The following THAP8 variants were observed in gnomAD, a reference collection of about 807,000 sequenced individuals.
The protein encoded by THAP8 is THAP domain containing 8.
A neutral mutation model predicts 25.0 loss-of-function variants in THAP8; 24 were observed. The ratio of observed to expected loss-of-function variants is 0.96; its 90% CI spans 0.69 to 1.35. The LOEUF (loss-of-function observed/expected upper bound fraction) is 1.35. Among genes scored for constraint, THAP8 ranks in the 40% most tolerant of loss-of-function variants. THAP8 has a pLI of 0.00. For synonymous variants in THAP8, 169 were observed against 157.6 expected (o/e 1.07, Z -0.54); for missense variants, 399 against 368.8 (o/e 1.08, Z -0.67).
chr19:36,042,684 A>G (rs1969736401), intron 1 of THAP8, among the ~76,000 whole-genome samples: 1 of 152,246 alleles, frequency 6.6e-6, no homozygotes, highest in Non-Finnish European at 1.5e-5. Flanking sequence ...CAACAGCCAA[A>G]AGGTGGAAGT....
intron 1 of THAP8, among the ~76,000 whole-genome samples, chr19:36,048,065 G>T (rs1374167962): frequency 6.6e-6 from 1 of 152,222 alleles, no homozygotes; most frequent in East Asian, 1.9e-4. Context: ...AGTGACACAG[G>T]CCACTTCTAA....
At chr19:36,054,353 G>T (rs1240037793), upstream of THAP8, 1 of 1,037,500 alleles carries the variant, frequency 9.6e-7, no homozygotes, top group South Asian at 1.5e-5. Context: ...ACGTACCGGG[G>T]AGAGAGCTGA....
chr19:36,041,313 A>G (rs995020625), intron 1 of THAP8, among the ~76,000 whole-genome samples: 3 of 132,386 alleles, frequency 2.3e-5, no homozygotes, highest in African/African-American at 8.4e-5. Context: ...CCCTGTCTTT[A>G]AAAAAAAAAA....
At chr19:36,049,315 T>C (rs1969985817) in intron 1 of THAP8, among the ~76,000 whole-genome samples, 1 of 151,846 alleles carries the variant, frequency 6.6e-6, no homozygotes, top group Non-Finnish European at 1.5e-5. Context: ...CATTGAGCCA[T>C]GATCGCACCA....
At position 36,035,365 on chromosome 19, in the gene THAP8, G is replaced by A; in HGVS notation, c.*75C>T. The stretch of plus-strand genomic sequence containing the variant: ...CTACCCAGGCGTGGGCGGTGGGGCT[G>A]GGCCAAGCCCACGTATAATGTCTTT... On this transcript the variant is annotated 3_prime_UTR_variant, in exon 4 of 4. Transcript: ENST00000292894. 1 of 1,544,732 alleles carries A rather than the reference G, an allele frequency of 6.5e-7. No individual in the cohort carries two copies.
chr19:36,042,512 G>C (rs1348385094), intron 1 of THAP8, among the ~76,000 whole-genome samples: 2 of 152,068 alleles, frequency 1.3e-5, no homozygotes, highest in East Asian at 3.9e-4. Context: ...GTGCCTAGAG[G>C]CACAGCTACT....
chr19:36,046,091 T>C (rs893253650), intron 1 of THAP8: 2 of 360,910 alleles, frequency 5.5e-6, no homozygotes, highest in African/African-American at 4.3e-5. Context: ...GTAATCCCCA[T>C]GTGTCAAGGG....
At chr19:36,039,788 G>C (rs969872165) in intron 2 of THAP8, 70 bp from the exon 3 acceptor site, 3 of 1,494,024 alleles carry the variant, frequency 2.0e-6, no homozygotes, top group Non-Finnish European at 1.8e-6. Context: ...GGGATGGAGG[G>C]TCTGTTTCCA....
chr19:36,049,524 T>G (rs1969992250), intron 1 of THAP8, among the ~76,000 whole-genome samples: 1 of 152,174 alleles, frequency 6.6e-6, no homozygotes, highest in Admixed American at 6.5e-5. Context: ...CTGCTTCTCA[T>G]CTAACTCTTA....
intron 1 of THAP8, among the ~76,000 whole-genome samples, chr19:36,053,852 C>G (rs1460306921): frequency 1.3e-5 from 2 of 152,150 alleles, no homozygotes; most frequent in Non-Finnish European, 2.9e-5. Flanking sequence ...AAGTGGGCAT[C>G]TGCAGGCTCT....
At position 36,037,299 on chromosome 19, in the gene THAP8, TAC is replaced by T. The variant is rs376932776; in HGVS notation, c.673-1709_673-1708del. ...ACACACCTTCCTCAGCTTCCTCCCC[TAC>T]ACACACACACACACACAAACACCTT... On this transcript the variant is annotated intron_variant, in intron 3 of 3. Coordinates refer to ENST00000292894, the MANE Select transcript of THAP8 (RefSeq NM_152658.3). 3.7e-3 allele frequency among the ~76,000 whole-genome samples: 247 copies of T among 67,506 alleles called. 2 individuals are homozygous for T. Among genetic ancestry groups the T allele is most frequent in the Admixed American group, 0.012 (72 of 6,086 alleles). The allele number at this position is 67,506 out of a possible 152,430, so 44.3% of individuals were successfully genotyped here.
At chr19:36,054,056 C>A in intron 1 of THAP8, 79 bp downstream of exon 1, 4 of 1,497,776 alleles carry the variant, frequency 2.7e-6, no homozygotes, top group South Asian at 2.4e-5. Flanking sequence ...CCAGAAGCCC[C>A]GCACAGCAGC....
intron 1 of THAP8, among the ~76,000 whole-genome samples, chr19:36,053,684 G>A (rs940394170): frequency 2.0e-5 from 3 of 152,090 alleles, no homozygotes; most frequent in South Asian, 2.1e-4. Flanking sequence ...TCCCAAGTAT[G>A]ACGAAAGAGG....
rs1011671330 is a variant in THAP8 at position 36,039,761 on chromosome 19, T to C, written c.277-43A>G. 38 of 1,486,074 alleles carry C rather than the reference T, an allele frequency of 2.6e-5. No individual in the cohort carries two copies. In the Admixed American group the frequency reaches 3.5e-4, roughly 14 times the overall value. The allele number at this position is 1,486,074 out of a possible 1,614,324, so 92.1% of individuals were successfully genotyped here. A position where few individuals can be genotyped will look rare whatever the true frequency, so the allele number is the denominator to read the frequency against. On this transcript the variant is annotated intron_variant, in intron 2 of 3. Transcript: ENST00000292894. ...GGGTGCAGGGGTGCCGTGGTCAGAC[T>C]TCGACTCAGGAGGAAAGGGATGGAG...
intron 3 of THAP8, among the ~76,000 whole-genome samples, chr19:36,036,976 C>T (rs1202723565): frequency 5.4e-5 from 8 of 149,516 alleles, no homozygotes; most frequent in Non-Finnish European, 1.2e-4. Context: ...TACTCCTTAA[C>T]TCCAGAGGTA....
intron 1 of THAP8, 123 bp downstream of exon 1, chr19:36,054,012 G>A (rs973085990): frequency 1.8e-6 from 2 of 1,115,666 alleles, no homozygotes; most frequent in Non-Finnish European, 2.6e-6. Flanking sequence ...TCTCCTCATG[G>A]TTTAACCCCA....
At chr19:36,054,618 C>G (rs1257739533), upstream of THAP8, 1 of 545,788 alleles carries the variant, frequency 1.8e-6, no homozygotes, top group East Asian at 3.2e-5. Flanking sequence ...CATAGTTCCT[C>G]TAGGTGGCGG....
At chr19:36,038,230 A>C (rs939342992) in intron 3 of THAP8, among the ~76,000 whole-genome samples, 2 of 151,998 alleles carry the variant, frequency 1.3e-5, no homozygotes, top group Non-Finnish European at 2.9e-5. Context: ...GGCATGAGCC[A>C]CCGCACACAG....
chr19:36,039,858 G>A, intron 2 of THAP8, 86 bp downstream of exon 2: 6 of 1,589,392 alleles, frequency 3.8e-6, no homozygotes, highest in Non-Finnish European at 5.1e-6. Flanking sequence ...GGAGGGGAGG[G>A]CCAAAGTTCA....
Sources: gnomAD v4.1 joint callset for allele counts (sites outside exome capture counted in the v4.1 genomes callset) on GRCh38, gnomAD v4.1.1 for gene constraint, MANE v1.5 for transcripts, NCBI Gene and HGNC (gene_info 2026-07-23, HGNC 2026-07-21) for gene names.